Variants in SENP1 observed in about 807,000 individuals in gnomAD.
SENP1 encodes SUMO specific peptidase 1, also known as sentrin-specific protease 1.
In SENP1, 21 loss-of-function variants were observed where a neutral mutation model predicts 93.0. The observed-to-expected ratio is 0.23, with a 90% CI of 0.16 to 0.33. The LOEUF (loss-of-function observed/expected upper bound fraction) is 0.33. Among genes scored for constraint, SENP1 ranks in the 10% least tolerant of loss-of-function variants. The probability of loss-of-function intolerance (pLI) is 1.00; values close to 1 mark genes in which losing one functional copy is unlikely to be tolerated. For synonymous variants in SENP1, 256 were observed against 259.6 expected (o/e 0.99, Z 0.13); for missense variants, 591 against 758.7 (o/e 0.78, Z 2.60).
At chr12:48,067,129 AAT>A (rs1289129617) in intron 9 of SENP1, among the ~76,000 whole-genome samples, 164 bp from the exon 10 acceptor site, 8 of 152,356 alleles carry the variant, frequency 5.3e-5, no homozygotes, top group African/African-American at 1.9e-4. Context: ...TGTAACTAGG[AAT>A]TAAGGAGACA....
intron 6 of SENP1, among the ~76,000 whole-genome samples, chr12:48,083,254 A>G (rs1944611872): frequency 6.6e-6 from 1 of 152,204 alleles, no homozygotes; most frequent in African/African-American, 2.4e-5. Context: ...CAATTTTTCC[A>G]TAGGAGACAA....
intron 6 of SENP1, among the ~76,000 whole-genome samples, chr12:48,079,597 TG>T (rs1944368554): frequency 6.6e-6 from 1 of 152,160 alleles, no homozygotes; most frequent in African/African-American, 2.4e-5. Flanking sequence ...TTTTAAAACC[TG>T]AAAAAACCCT....
chr12:48,105,656 C>A, intron 1 of SENP1: 1 of 433,036 alleles, frequency 2.3e-6, no homozygotes, highest in East Asian at 5.2e-5. Context: ...GAAAACAGCT[C>A]TCCCCAGAGA....
At chr12:48,057,509 T>A (rs1338324975) in intron 13 of SENP1, among the ~76,000 whole-genome samples, 1 of 147,760 alleles carries the variant, frequency 6.8e-6, no homozygotes, top group Non-Finnish European at 1.5e-5. Flanking sequence ...GGATTACAGG[T>A]GTGAGCCACT....
chr12:48,045,464 T>G (rs1432413783), intron 17 of SENP1, 80 bp from the exon 18 acceptor site: 1 of 1,184,514 alleles, frequency 8.4e-7, no homozygotes, highest in Non-Finnish European at 1.2e-6. Flanking sequence ...TTCTTTCTTT[T>G]GCAAGGTTTT....
Position 48,096,411 on chromosome 12 carries a change from T to C in SENP1, c.152A>G (p.Gln51Arg), listed in dbSNP as rs370560577. The C allele has an allele frequency of 1.5e-5, 24 of 1,609,056 alleles. No homozygotes were observed. Among genetic ancestry groups the C allele is most frequent in the Middle Eastern group, 3.3e-4 (2 of 6,078 alleles). The change falls in exon 4 of 18, where the codon CAA becomes CGA. Residue 51 changes from glutamine to arginine, a missense_variant. This residue lies in a region of SENP1 where 214 missense variants were observed against 243.4 expected (regional missense o/e 0.88). Coordinates refer to ENST00000549518, the MANE Select transcript of SENP1 (RefSeq NM_001267594.2). ...LSDQQILSSR[Q>R]GHLDRSFTCS... The stretch of plus-strand genomic sequence containing the variant: ...TGTAAAAGATCGGTCCAAATGTCCT[T>C]GCCTGGAAGATAAAATCTAAACAAA...
chr12:48,105,314 A>C (rs910090690), intron 1 of SENP1: 1 of 508,658 alleles, frequency 2.0e-6, no homozygotes, highest in African/African-American at 1.9e-5. Context: ...ATAAACAGAA[A>C]TCACCAAGCT....
intron 5 of SENP1, among the ~76,000 whole-genome samples, chr12:48,087,546 G>C (rs1944965511): frequency 6.6e-6 from 1 of 152,140 alleles, no homozygotes; most frequent in African/African-American, 2.4e-5. Flanking sequence ...GTAAGAAAGA[G>C]TAAGAGAGAA....
chr12:48,105,252 TAAAG>T (rs1946413927), intron 1 of SENP1: 1 of 400,714 alleles, frequency 2.5e-6, no homozygotes, highest in South Asian at 1.9e-5. Flanking sequence ...TTGAAAGTGA[TAAAG>T]AAGCAAGTTA....
chr12:48,048,864 T>C, intron 14 of SENP1, 65 bp downstream of exon 14: 1 of 1,240,836 alleles, frequency 8.1e-7, no homozygotes, highest in Non-Finnish European at 1.2e-6. Flanking sequence ...TACTACTCAC[T>C]ACCCTCTGTG....
intron 13 of SENP1, among the ~76,000 whole-genome samples, chr12:48,059,281 T>C (rs1308447644): frequency 6.6e-6 from 1 of 152,224 alleles, no homozygotes; most frequent in Non-Finnish European, 1.5e-5. Flanking sequence ...CTGATGCTCT[T>C]GATATCTTTC....
At chr12:48,065,404 A>G (rs1943232646) in intron 11 of SENP1, among the ~76,000 whole-genome samples, 184 bp from the exon 12 acceptor site, 1 of 152,222 alleles carries the variant, frequency 6.6e-6, no homozygotes, top group South Asian at 2.1e-4. Context: ...GGGACTATCT[A>G]TATTTGTCTT....
chr12:48,073,053 A>G (rs1943820436), intron 8 of SENP1, among the ~76,000 whole-genome samples: 1 of 152,166 alleles, frequency 6.6e-6, no homozygotes, highest in African/African-American at 2.4e-5. Flanking sequence ...AGGTGTCTAA[A>G]AAGTACAAAT....
At chr12:48,056,437 A>AAATAT (rs1555176421) in intron 13 of SENP1, among the ~76,000 whole-genome samples, 33 of 85,392 alleles carry the variant, frequency 3.9e-4, no homozygotes, top group African/African-American at 2.0e-3. Context: ...TTACATATAT[A>AAATAT]ATTATTTAAT....
intron 11 of SENP1, 46 bp downstream of exon 11, chr12:48,065,550 T>C (rs1028955413): frequency 3.1e-6 from 4 of 1,283,006 alleles, no homozygotes; most frequent in Non-Finnish European, 4.4e-6. Flanking sequence ...AGTTTCTACT[T>C]TGATGTACTA....
chr12:48,090,976 CA>C (rs1191473486), intron 4 of SENP1, among the ~76,000 whole-genome samples: 9 of 151,944 alleles, frequency 5.9e-5, no homozygotes, highest in South Asian at 2.1e-4. Context: ...ACGAACACCA[CA>C]AAAAAGATTA....
At chr12:48,075,381 A>T (rs1362594986) in intron 6 of SENP1, among the ~76,000 whole-genome samples, 1 of 152,246 alleles carries the variant, frequency 6.6e-6, no homozygotes, top group African/African-American at 2.4e-5. Context: ...GCCAGCAGGT[A>T]ATCACTTCTG....
chr12:48,097,327 G>A (rs1462105374), intron 3 of SENP1, among the ~76,000 whole-genome samples: 1 of 152,144 alleles, frequency 6.6e-6, no homozygotes, highest in Non-Finnish European at 1.5e-5. Flanking sequence ...GATTATGGGG[G>A]GAGGTGGATG....
intron 3 of SENP1, 200 bp downstream of exon 3, chr12:48,097,794 C>A: frequency 2.2e-6 from 1 of 460,442 alleles, no homozygotes; most frequent in Non-Finnish European, 3.9e-6. Context: ...TCTCAAAGAA[C>A]TCATACATAG....
Sources: gnomAD v4.1 joint callset for allele counts (sites outside exome capture counted in the v4.1 genomes callset) on GRCh38, gnomAD v4.1.1 for gene constraint, gnomAD v4.1.1 regional missense constraint, MANE v1.5 for transcripts, NCBI Gene and HGNC (gene_info 2026-07-23, HGNC 2026-07-21) for gene names.